The following ZNF804B variants were observed in gnomAD, a reference collection of about 807,000 sequenced individuals.
The protein encoded by ZNF804B is zinc finger protein 804B, also known as zinc finger 804B.
A neutral mutation model predicts 101.4 loss-of-function variants in ZNF804B; 80 were observed. The observed-to-expected ratio is 0.79, with a 90% confidence interval of 0.66 to 0.95. ZNF804B has a LOEUF of 0.95. Ranked by LOEUF, ZNF804B falls within the 40% of genes least tolerant of loss-of-function variation. ZNF804B has a pLI of 0.00. For synonymous variants in ZNF804B, 622 were observed against 558.8 expected, an observed-to-expected ratio of 1.11 and a Z score of -1.59; for missense variants, 1,673 against 1,561.9, an observed-to-expected ratio of 1.07 and a Z score of -1.20.
chr7:89,038,252 A>T (rs1006682272), intron 1 of ZNF804B, among the ~76,000 whole-genome samples: 1 of 152,146 alleles, frequency 6.6e-6, no homozygotes, highest in Non-Finnish European at 1.5e-5. Flanking sequence ...ACTCTTTTCC[A>T]TAATGTGTAT....
intron 2 of ZNF804B, among the ~76,000 whole-genome samples, chr7:89,279,086 C>G (rs1790036628): frequency 1.3e-5 from 2 of 152,020 alleles, no homozygotes; most frequent in African/African-American, 4.8e-5. Context: ...AAGGTGGATT[C>G]CTAGGTATTT....
chr7:88,969,708 G>A (rs1429774157), intron 1 of ZNF804B, among the ~76,000 whole-genome samples: 2 of 151,638 alleles, frequency 1.3e-5, no homozygotes, highest in East Asian at 3.9e-4. Context: ...GAAACACTTT[G>A]CATTTATTAG....
chr7:88,911,216 A>G (rs1307011061), intron 1 of ZNF804B, among the ~76,000 whole-genome samples: 6 of 151,956 alleles, frequency 3.9e-5, no homozygotes, highest in Non-Finnish European at 2.9e-5. Flanking sequence ...ACATTTGCAG[A>G]AAGGTTCAGA....
At chr7:88,837,281 G>C (rs1791227276) in intron 1 of ZNF804B, among the ~76,000 whole-genome samples, 1 of 151,902 alleles carries the variant, frequency 6.6e-6, no homozygotes, top group South Asian at 2.1e-4. Context: ...GACAAAATAA[G>C]TGATCAATAT....
rs200562266 is a variant in ZNF804B at position 89,079,268 on chromosome 7, AT to A, written c.109-138878del. On this transcript the variant is annotated intron_variant, in intron 1 of 3. Transcript: ENST00000333190. ...CTGAAGCATTAAATATTACATGGTC[AT>A]TTTTTTTTCTACCCAGGGGCAGCCT... Among the ~76,000 whole-genome samples, 969 of 151,036 alleles carry A rather than the reference AT, an allele frequency of 6.4e-3. 5 individuals carry two copies. The highest frequency in any genetic ancestry group is 8.8e-3 in the African/African-American group (363 of 41,222).
At chr7:89,292,971 A>G (rs1790321309) in intron 2 of ZNF804B, among the ~76,000 whole-genome samples, 1 of 152,018 alleles carries the variant, frequency 6.6e-6, no homozygotes, top group Non-Finnish European at 1.5e-5. Flanking sequence ...ACTTAAATAA[A>G]TGGAAGGATA....
At chr7:89,205,742 C>G (rs1487584005) in intron 1 of ZNF804B, among the ~76,000 whole-genome samples, 7 of 152,182 alleles carry the variant, frequency 4.6e-5, no homozygotes, top group African/African-American at 9.6e-5. Context: ...TGCAGCTTTT[C>G]CAGGCACACA....
At chr7:88,774,776 A>AG (rs1357743311) in intron 1 of ZNF804B, among the ~76,000 whole-genome samples, 2 of 152,182 alleles carry the variant, frequency 1.3e-5, no homozygotes, top group African/African-American at 4.8e-5. Context: ...GGGTAGGTTT[A>AG]GGGGCCTCTA....
At chr7:89,246,763 G>A (rs905957765) in intron 2 of ZNF804B, among the ~76,000 whole-genome samples, 1 of 152,090 alleles carries the variant, frequency 6.6e-6, no homozygotes, top group African/African-American at 2.4e-5. Context: ...CACCCTTTAT[G>A]GGCATAGATT....
chr7:89,262,584 A>G (rs1789727088), intron 2 of ZNF804B, among the ~76,000 whole-genome samples: 1 of 152,162 alleles, frequency 6.6e-6, no homozygotes, highest in African/African-American at 2.4e-5. Context: ...ATAGAGGTGT[A>G]AATCTTTTTA....
chr7:89,165,115 T>C (rs1385842999), intron 1 of ZNF804B, among the ~76,000 whole-genome samples: 1 of 152,152 alleles, frequency 6.6e-6, no homozygotes, highest in Non-Finnish European at 1.5e-5. Context: ...TCAGAGCTGG[T>C]GTTCCAAACT....
chr7:88,831,578 A>G (rs1396621166), intron 1 of ZNF804B, among the ~76,000 whole-genome samples: 1 of 151,956 alleles, frequency 6.6e-6, no homozygotes, highest in Non-Finnish European at 1.5e-5. Context: ...AAACAAAAAA[A>G]AAATTGAAAG....
intron 1 of ZNF804B, among the ~76,000 whole-genome samples, chr7:88,965,189 AC>A (rs1793437395): frequency 6.6e-6 from 1 of 151,362 alleles, no homozygotes; most frequent in African/African-American, 2.4e-5. Flanking sequence ...CACAAATTTC[AC>A]CTTGACTTAG....
chr7:88,903,071 A>G (rs1792416430), intron 1 of ZNF804B, among the ~76,000 whole-genome samples: 1 of 152,054 alleles, frequency 6.6e-6, no homozygotes, highest in African/African-American at 2.4e-5. Flanking sequence ...TACCCAATAG[A>G]TAGTTTTTCA....
chr7:89,112,702 A>G (rs1790237038), intron 1 of ZNF804B, among the ~76,000 whole-genome samples: 1 of 149,704 alleles, frequency 6.7e-6, no homozygotes, highest in Non-Finnish European at 1.5e-5. Flanking sequence ...CTATAGATCA[A>G]GTTGGGAAGA....
At chr7:89,186,032 A>G (rs1788370797) in intron 1 of ZNF804B, among the ~76,000 whole-genome samples, 1 of 152,136 alleles carries the variant, frequency 6.6e-6, no homozygotes, top group Non-Finnish European at 1.5e-5. Context: ...GGAAAAACTG[A>G]CCATTTGAAG....
Position 88,825,053 on chromosome 7 carries a change from G to T in ZNF804B, c.108+64969G>T, listed in dbSNP as rs79071182. On this transcript the variant is annotated intron_variant, in intron 1 of 3. Coordinates refer to ENST00000333190, the MANE Select transcript of ZNF804B (RefSeq NM_181646.5). Reference sequence around the variant, plus strand: ...TCAATGACATATTAGAGATTTTCTGGTACATTTATGTCCTCATCTGGTTCT... The same window carrying T: ...TCAATGACATATTAGAGATTTTCTGTTACATTTATGTCCTCATCTGGTTCT... Among the ~76,000 whole-genome samples the T allele has an allele frequency of 1.1e-3, 170 of 152,164 alleles. 2 individuals are homozygous for T. Among genetic ancestry groups the T allele is most frequent in the African/African-American group, 4.0e-3 (167 of 41,518 alleles).
At chr7:88,957,583 C>G (rs910981748) in intron 1 of ZNF804B, among the ~76,000 whole-genome samples, 5 of 151,306 alleles carry the variant, frequency 3.3e-5, no homozygotes, top group Admixed American at 3.3e-4. Flanking sequence ...GGTATTCTTG[C>G]ATTAATTATG....
At chr7:88,991,909 G>A (rs1232524303) in intron 1 of ZNF804B, among the ~76,000 whole-genome samples, 1 of 152,130 alleles carries the variant, frequency 6.6e-6, no homozygotes, top group Non-Finnish European at 1.5e-5. Context: ...AATCTCTTGA[G>A]ATAATTTTCT....
Sources: gnomAD v4.1 joint callset for allele counts (sites outside exome capture counted in the v4.1 genomes callset) on GRCh38, gnomAD v4.1.1 for gene constraint, MANE v1.5 for transcripts, NCBI Gene and HGNC (gene_info 2026-07-23, HGNC 2026-07-21) for gene names.